PDIA5: variants seen among roughly 807,000 people sequenced by gnomAD.
PDIA5 encodes protein disulfide-isomerase A5.
PDIA5 carries 58 observed loss-of-function variants against 77.6 expected under a neutral mutation model. That is an observed-to-expected ratio of 0.75 (90% CI 0.61 to 0.93). The LOEUF is 0.93. Among genes scored for constraint, PDIA5 ranks in the 40% least tolerant of loss-of-function variants. The pLI, the probability that PDIA5 is intolerant of heterozygous loss-of-function variation, is 0.00. For synonymous variants in PDIA5, 250 were observed against 252.1 expected (o/e 0.99, Z 0.08); for missense variants, 630 against 647.7 (o/e 0.97, Z 0.30).
At chr3:123,086,628 G>A (rs934263635) in intron 1 of PDIA5, among the ~76,000 whole-genome samples, 8 of 152,148 alleles carry the variant, frequency 5.3e-5, no homozygotes, top group East Asian at 3.8e-4. Context: ...GAGCTCCGTC[G>A]TTGCTCTGTT....
chr3:123,082,123 G>A (rs540155173), intron 1 of PDIA5, among the ~76,000 whole-genome samples: 2 of 152,348 alleles, frequency 1.3e-5, no homozygotes, highest in African/African-American at 4.8e-5. Flanking sequence ...GCAGAAAGCA[G>A]AGGGTTAGTC....
intron 1 of PDIA5, among the ~76,000 whole-genome samples, chr3:123,080,092 A>G (rs1377741504): frequency 6.6e-6 from 1 of 151,854 alleles, no homozygotes; most frequent in Non-Finnish European, 1.5e-5. Context: ...TTTCACCTAG[A>G]GAATCCTAAA....
At chr3:123,144,009 G>A (rs1467838657) in intron 11 of PDIA5, among the ~76,000 whole-genome samples, 2 of 152,180 alleles carry the variant, frequency 1.3e-5, no homozygotes, top group Non-Finnish European at 1.5e-5. Context: ...GAGGGACAGG[G>A]TGAGGATGAG....
chr3:123,082,688 C>T (rs1654592726), intron 1 of PDIA5, among the ~76,000 whole-genome samples: 1 of 152,056 alleles, frequency 6.6e-6, no homozygotes, highest in African/African-American at 2.4e-5. Flanking sequence ...TAAGTTGTCT[C>T]GCTAATAAAG....
intron 11 of PDIA5, among the ~76,000 whole-genome samples, chr3:123,140,787 A>G (rs1935613959): frequency 6.6e-6 from 1 of 152,214 alleles, no homozygotes; most frequent in Non-Finnish European, 1.5e-5. Context: ...CTTTCCTTAT[A>G]GAGGTGGGGA....
In PDIA5 at chr3:123,161,437, G is replaced by C; in HGVS notation, c.1461G>C (p.Lys487Asn). ...HYYHYGKFAE[K>N]YDSDRTELGF... ...ACCACTATGGGAAGTTCGCAGAAAA[G>C]TATGACAGCGACCGCACAGTAAGTG... is the stretch of plus-strand genomic sequence containing the variant. Residue 487 changes from lysine (K) to asparagine (N), a missense_variant, in exon 16 of 17, where the codon AAG becomes AAC. Physicochemically the swap from Lys to Asn is moderately conservative, Grantham distance 94. Transcript: ENST00000316218. 2 of 1,614,090 alleles carry C rather than the reference G, an allele frequency of 1.2e-6. No homozygotes were observed. The highest frequency in any genetic ancestry group is 2.2e-5 in the East Asian group (1 of 44,884).
intron 3 of PDIA5, 25 bp from the exon 4 acceptor site, chr3:123,102,386 G>T: frequency 6.3e-7 from 1 of 1,587,140 alleles, no homozygotes. Context: ...GGTAATAAAT[G>T]GTTCCCAACA....
At chr3:123,072,772 G>A (rs1933754967) in intron 1 of PDIA5, among the ~76,000 whole-genome samples, 1 of 152,230 alleles carries the variant, frequency 6.6e-6, no homozygotes, top group South Asian at 2.1e-4. Context: ...TTGGGCTCTT[G>A]TGTCTTGCTT....
At chr3:123,120,941 C>T (rs1307775801) in intron 8 of PDIA5, among the ~76,000 whole-genome samples, 2 of 152,222 alleles carry the variant, frequency 1.3e-5, no homozygotes, top group African/African-American at 4.8e-5. Flanking sequence ...CTGACCACAG[C>T]ATTCCCTCAT....
At chr3:123,102,859 G>A in intron 5 of PDIA5, 63 bp downstream of exon 5, 1 of 1,105,348 alleles carries the variant, frequency 9.0e-7, no homozygotes, top group South Asian at 1.3e-5. Context: ...AAGTCTGGCA[G>A]GTTTTCTCTC....
chr3:123,113,051 T>A (rs1393518303), intron 7 of PDIA5, among the ~76,000 whole-genome samples: 7 of 152,204 alleles, frequency 4.6e-5, no homozygotes, highest in African/African-American at 1.7e-4. Flanking sequence ...CATTAGTTGG[T>A]TTCACCCCTT....
rs748412393 is a variant in PDIA5, at chr3:123,150,341, C to T, written c.1250C>T (p.Thr417Ile). 3 of 1,613,920 alleles carry T rather than the reference C, an allele frequency of 1.9e-6. No individual in the cohort carries two copies. The highest frequency in any genetic ancestry group is 1.7e-6 in the Non-Finnish European group (2 of 1,179,926). The stretch of plus-strand genomic sequence containing the variant: ...GAGACCCTGAAGAAGAAGAAACACA[C>T]CTTGGTCATGTTCTACGCCCCTTGT... ...FRETLKKKKH[T>I]LVMFYAPWCP... The change falls in exon 14 of 17, where the codon ACC becomes ATC. Residue 417 changes from threonine (T) to isoleucine (I), a missense_variant. Physicochemically the swap from Thr to Ile is moderately conservative, Grantham distance 89. Coordinates refer to ENST00000316218, the MANE Select transcript of PDIA5 (RefSeq NM_006810.4).
At chr3:123,101,906 C>CT (rs71623603) in intron 3 of PDIA5, among the ~76,000 whole-genome samples, 1,514 of 71,302 alleles carry the variant, frequency 0.021, 110 homozygotes, top group African/African-American at 0.076. Flanking sequence ...TTCTTTCTTG[C>CT]TTTTTTTTTT....
intron 14 of PDIA5, among the ~76,000 whole-genome samples, chr3:123,153,810 T>G (rs1201810925): frequency 6.6e-6 from 1 of 152,258 alleles, no homozygotes; most frequent in Non-Finnish European, 1.5e-5. Context: ...CAAAACCCTT[T>G]GAAATGCCAG....
At chr3:123,109,247 T>A (rs919193935) in intron 6 of PDIA5, among the ~76,000 whole-genome samples, 3 of 152,362 alleles carry the variant, frequency 2.0e-5, no homozygotes, top group African/African-American at 7.2e-5. Context: ...AAATTCAAGT[T>A]TGAATTGCTG....
intron 3 of PDIA5, 143 bp from the exon 4 acceptor site, chr3:123,102,268 A>T: frequency 1.5e-6 from 1 of 659,428 alleles, no homozygotes; most frequent in Non-Finnish European, 2.8e-6. Flanking sequence ...TAGCTCTCAC[A>T]GCCCATCTAT....
chr3:123,102,730 A>G, intron 4 of PDIA5, 21 bp from the exon 5 acceptor site: 1 of 1,591,450 alleles, frequency 6.3e-7, no homozygotes. Context: ...AAGTTAACAC[A>G]TTTTTCTCCT....
intron 2 of PDIA5, among the ~76,000 whole-genome samples, chr3:123,089,936 C>CT (rs1192081067): frequency 6.6e-6 from 1 of 152,218 alleles, no homozygotes; most frequent in East Asian, 1.9e-4. Flanking sequence ...TTGGCAGTGA[C>CT]TTTGGGGGAG....
intron 11 of PDIA5, among the ~76,000 whole-genome samples, chr3:123,135,457 A>G (rs1326861525): frequency 6.6e-6 from 1 of 152,086 alleles, no homozygotes; most frequent in Non-Finnish European, 1.5e-5. Context: ...CCCCTGACTC[A>G]TCGACCCATT....
Sources: gnomAD v4.1 joint callset for allele counts (sites outside exome capture counted in the v4.1 genomes callset) on GRCh38, gnomAD v4.1.1 for gene constraint, MANE v1.5 for transcripts, NCBI Gene and HGNC (gene_info 2026-07-23, HGNC 2026-07-21) for gene names.